ATP6V1A: variants seen among roughly 807,000 people sequenced by gnomAD.
ATP6V1A encodes the protein V-type proton ATPase catalytic subunit A.
Under a neutral mutation model 70.1 loss-of-function variants are expected in ATP6V1A, and 18 were observed. The ratio of observed to expected loss-of-function variants is 0.26; its 90% CI spans 0.18 to 0.38. The LOEUF (loss-of-function observed/expected upper bound fraction) is 0.38, where lower values mean the gene tolerates loss of function less well. Among genes scored for constraint, ATP6V1A ranks in the 10% least tolerant of loss-of-function variants. ATP6V1A has a pLI of 1.00. For missense variants in ATP6V1A, 424 were observed against 772.4 expected (o/e 0.55, Z 5.35); for synonymous variants, 232 against 253.8 (o/e 0.91, Z 0.82).
At chr3:113,765,371 G>A (rs975748477) in intron 1 of ATP6V1A, among the ~76,000 whole-genome samples, 10 of 152,128 alleles carry the variant, frequency 6.6e-5, no homozygotes, top group Admixed American at 2.0e-4. Context: ...TTGGGAGGCC[G>A]ACGCGGGCAG....
intron 1 of ATP6V1A, among the ~76,000 whole-genome samples, chr3:113,769,243 A>G (rs562037788): frequency 6.6e-6 from 1 of 152,344 alleles, no homozygotes; most frequent in Admixed American, 6.5e-5. Flanking sequence ...CACCTGTTCT[A>G]TAACTTTCTG....
intron 5 of ATP6V1A, 26 bp from the exon 6 acceptor site, chr3:113,786,206 A>G: frequency 2.5e-6 from 4 of 1,580,052 alleles, no homozygotes. Context: ...ATTTGACCAT[A>G]CTAAAATCCT....
intron 4 of ATP6V1A, 64 bp downstream of exon 4, chr3:113,784,502 A>G: frequency 2.0e-6 from 3 of 1,472,008 alleles, no homozygotes; most frequent in Non-Finnish European, 2.8e-6. Context: ...TGTTTAGTAA[A>G]CTACATTGTA....
At position 113,784,836 on chromosome 3, in the gene ATP6V1A, A is replaced by G. The variant is rs774531841; in HGVS notation, c.564+3A>G. 1 of 1,613,908 alleles carries G rather than the reference A, an allele frequency of 6.2e-7. No homozygotes were observed. Among genetic ancestry groups the G allele is most frequent in the South Asian group, 1.1e-5 (1 of 91,068 alleles). On this transcript the variant is annotated splice_donor_region_variant and intron_variant, in intron 5 of 14. Coordinates refer to ENST00000273398, the MANE Select transcript of ATP6V1A (RefSeq NM_001690.4). Reference sequence around the variant, plus strand: ...CACCTGGGAATTATGATACCTCTGTAAGTATCATTTGAACTTTATCCTGCA... The same window carrying G: ...CACCTGGGAATTATGATACCTCTGTGAGTATCATTTGAACTTTATCCTGCA...
At chr3:113,774,762 G>A (rs1187100117) in intron 1 of ATP6V1A, among the ~76,000 whole-genome samples, 1 of 151,094 alleles carries the variant, frequency 6.6e-6, no homozygotes, top group Non-Finnish European at 1.5e-5. Flanking sequence ...GCAGTGAGCC[G>A]AGATTGCACC....
At chr3:113,798,602 A>G (rs1467943425) in intron 12 of ATP6V1A, among the ~76,000 whole-genome samples, 156 bp downstream of exon 12, 2 of 152,172 alleles carry the variant, frequency 1.3e-5, no homozygotes, top group Non-Finnish European at 2.9e-5. Context: ...AGTACTTAGC[A>G]TGGTTTTTGG....
At chr3:113,773,198 A>G (rs1055503139) in intron 1 of ATP6V1A, among the ~76,000 whole-genome samples, 3 of 151,994 alleles carry the variant, frequency 2.0e-5, no homozygotes, top group Non-Finnish European at 4.4e-5. Context: ...TTGGCCCCCC[A>G]AAGTGCTGGG....
chr3:113,809,164 A>G (rs919725453), intron 14 of ATP6V1A, among the ~76,000 whole-genome samples, 171 bp from the exon 15 acceptor site: 1 of 152,128 alleles, frequency 6.6e-6, no homozygotes, highest in African/African-American at 2.4e-5. Flanking sequence ...CTGAGGCAGG[A>G]GAATCACTTG....
intron 6 of ATP6V1A, 92 bp from the exon 7 acceptor site, chr3:113,788,621 T>G: frequency 8.1e-7 from 1 of 1,237,944 alleles, no homozygotes; most frequent in Non-Finnish European, 1.1e-6. Flanking sequence ...GCTGCTGGGA[T>G]TACAGGCGTG....
At chr3:113,750,574 C>T (rs1279958370) in intron 1 of ATP6V1A, among the ~76,000 whole-genome samples, 1 of 152,178 alleles carries the variant, frequency 6.6e-6, no homozygotes, top group Non-Finnish European at 1.5e-5. Context: ...ATTTCCCAGT[C>T]ATAGAGACCT....
intron 1 of ATP6V1A, among the ~76,000 whole-genome samples, chr3:113,748,823 T>C (rs1283379118): frequency 1.3e-5 from 2 of 152,202 alleles, no homozygotes; most frequent in Non-Finnish European, 2.9e-5. Flanking sequence ...AATAGACTAA[T>C]GTATTGATAT....
intron 13 of ATP6V1A, among the ~76,000 whole-genome samples, chr3:113,805,008 A>G (rs79554690): frequency 0.06 from 9,140 of 152,322 alleles, 372 homozygotes; most frequent in Middle Eastern, 0.12. Flanking sequence ...ATTTAACTGC[A>G]TTGTACAAAA....
chr3:113,776,751 A>G (rs975479797), intron 1 of ATP6V1A, among the ~76,000 whole-genome samples: 9 of 152,204 alleles, frequency 5.9e-5, no homozygotes, highest in South Asian at 2.1e-4. Flanking sequence ...AGTCAGTTCA[A>G]GATCCACAAA....
chr3:113,750,170 C>G (rs1264950086), intron 1 of ATP6V1A, among the ~76,000 whole-genome samples: 2 of 152,164 alleles, frequency 1.3e-5, no homozygotes, highest in Non-Finnish European at 2.9e-5. Context: ...CTTCCTATGA[C>G]ATAAACCCTA....
At chr3:113,759,287 G>GTT (rs34189516) in intron 1 of ATP6V1A, among the ~76,000 whole-genome samples, 44,428 of 132,662 alleles carry the variant, frequency 0.33, 7,155 homozygotes, top group East Asian at 0.36. Context: ...ATAGTTACGG[G>GTT]TTTTTTTTTT....
intron 1 of ATP6V1A, among the ~76,000 whole-genome samples, chr3:113,748,819 C>T (rs575670766): frequency 1.3e-5 from 2 of 152,118 alleles, no homozygotes; most frequent in African/African-American, 4.8e-5. Flanking sequence ...GGACAATAGA[C>T]TAATGTATTG....
intron 2 of ATP6V1A, among the ~76,000 whole-genome samples, chr3:113,780,074 G>T (rs1708961898): frequency 2.0e-5 from 3 of 152,040 alleles, no homozygotes; most frequent in Admixed American, 6.6e-5. Flanking sequence ...TGGAACAATG[G>T]CATCCTTTTT....
At chr3:113,778,078 G>A (rs1437352261) in intron 1 of ATP6V1A, among the ~76,000 whole-genome samples, 1 of 152,112 alleles carries the variant, frequency 6.6e-6, no homozygotes, top group Non-Finnish European at 1.5e-5. Context: ...TCCAGGAATA[G>A]GGTACTTTTA....
chr3:113,768,338 T>A (rs1179646286), intron 1 of ATP6V1A, among the ~76,000 whole-genome samples: 6 of 152,200 alleles, frequency 3.9e-5, no homozygotes, highest in Non-Finnish European at 5.9e-5. Flanking sequence ...TTTATTTTTT[T>A]AAAAAGCACT....
Sources: gnomAD v4.1 joint callset for allele counts (sites outside exome capture counted in the v4.1 genomes callset) on GRCh38, gnomAD v4.1.1 for gene constraint, MANE v1.5 for transcripts, NCBI Gene and HGNC (gene_info 2026-07-23, HGNC 2026-07-21) for gene names.